Variants in FAM83G observed in about 807,000 individuals in gnomAD.
FAM83G encodes the protein scaffolding CK1 anchoring protein G, also known as protein FAM83G.
Under a neutral mutation model 61.5 loss-of-function variants are expected in FAM83G, and 38 were observed. The observed-to-expected ratio is 0.62, with a 90% CI of 0.48 to 0.81. The LOEUF is 0.81. Ranked by LOEUF, FAM83G falls within the 30% of genes least tolerant of loss-of-function variation. The probability of loss-of-function intolerance (pLI) is 0.00; values close to 1 mark genes in which losing one functional copy is unlikely to be tolerated. For synonymous variants in FAM83G, 470 were observed against 476.1 expected, an observed-to-expected ratio of 0.99 and a Z score of 0.17; for missense variants, 989 against 1,133.6, an observed-to-expected ratio of 0.87 and a Z score of 1.83.
intron 3 of FAM83G, among the ~76,000 whole-genome samples, chr17:18,984,363 T>G (rs1597862341): frequency 7.0e-6 from 1 of 143,114 alleles, no homozygotes. Context: ...AAGAGAACCC[T>G]GCCTTATACC....
chr17:18,978,932 C>T (rs2152010406), intron 4 of FAM83G, 82 bp from the exon 5 acceptor site: 1 of 1,506,906 alleles, frequency 6.6e-7, no homozygotes, highest in Non-Finnish European at 9.0e-7. Flanking sequence ...AGCCGCTGGG[C>T]CTCAGACTGT....
chr17:19,004,125 C>G lies in FAM83G; in HGVS notation c.-84G>C, dbSNP rs989900090. 8 of 1,331,742 alleles carry G rather than the reference C, an allele frequency of 6.0e-6. No homozygotes were observed. In the African/African-American group the frequency reaches 7.4e-5, roughly 12 times the overall value. 82.5% of individuals were successfully genotyped at this position (1,331,742 alleles called of 1,614,324 possible). On this transcript the variant is annotated 5_prime_UTR_variant, in exon 2 of 6. Transcript: ENST00000388995. This position sits in a 1 kb window ranked among gnomAD's most constrained non-coding sequence, Gnocchi z 5.4. ...TCCGGCCCAGCTGGGGCACCGCGCG[C>G]TCGGGGGCCTCTCCGCGGCCTCTGC...
chr17:18,990,157 GC>G (rs963424201), intron 2 of FAM83G, among the ~76,000 whole-genome samples: 2 of 152,188 alleles, frequency 1.3e-5, no homozygotes, highest in African/African-American at 4.8e-5. Flanking sequence ...AGCACTTGCT[GC>G]CCCCAGGGCT....
At chr17:18,976,782 C>T (rs1191419169) in intron 5 of FAM83G, 2 of 1,571,302 alleles carry the variant, frequency 1.3e-6, no homozygotes, top group Admixed American at 1.7e-5. Context: ...TTCCCTGAGG[C>T]CCACCAAGGA....
At chr17:18,972,522 G>A (rs758677269) in intron 5 of FAM83G, among the ~76,000 whole-genome samples, 52 of 152,150 alleles carry the variant, frequency 3.4e-4, no homozygotes, top group Non-Finnish European at 6.6e-4. Context: ...CAAGCAGCAC[G>A]GGCTCCATCA....
chr17:18,972,152 G>A (rs1435873187), intron 5 of FAM83G, among the ~76,000 whole-genome samples: 2 of 152,198 alleles, frequency 1.3e-5, no homozygotes, highest in African/African-American at 4.8e-5. Context: ...CAGATGAGCT[G>A]CTTCCTGTCT....
rs750813249 is a variant in FAM83G at position 19,003,544 on chromosome 17, C to G, written c.498G>C (p.Arg166=). The change falls in exon 2 of 6, where the codon CGG becomes CGC. Residue 166 remains arginine (R), a synonymous_variant. Transcript: ENST00000388995. This position sits in a 1 kb window ranked among gnomAD's most constrained non-coding sequence, Gnocchi z 4.5. ...DGQAHIKEVV[R]KMISQAQKVI... is the part of the protein sequence containing the mutation. ...CCTTCTGTGCCTGGCTGATCATCTT[C>G]CGCACCACCTCTTTGATGTGGGCCT... The G allele has an allele frequency of 1.3e-6, 2 of 1,548,608 alleles. No individual in the cohort carries two copies.
At chr17:18,995,230 T>C (rs2043533955) in intron 2 of FAM83G, among the ~76,000 whole-genome samples, 1 of 152,038 alleles carries the variant, frequency 6.6e-6, no homozygotes, top group South Asian at 2.1e-4. Flanking sequence ...GATAAAGACA[T>C]AAAAACAGTT....
chr17:18,982,083 C>T (rs1230281310), intron 3 of FAM83G, among the ~76,000 whole-genome samples: 1 of 152,228 alleles, frequency 6.6e-6, no homozygotes, highest in Non-Finnish European at 1.5e-5. Flanking sequence ...CTGATGAGGG[C>T]TCGGAAAGTC....
chr17:18,977,571 G>A lies in FAM83G; in HGVS notation c.2082+13C>T, dbSNP rs780520275. The stretch of plus-strand genomic sequence containing the variant: ...GGACTCGTGACCCCTGGTGTGCAGG[G>A]ACCCTGACCCACCTGTGCCTCCTTG... On this transcript the variant is annotated intron_variant, in intron 5 of 5. Transcript: ENST00000388995. 27 of 1,604,182 alleles carry A rather than the reference G, an allele frequency of 1.7e-5. No individual in the cohort carries two copies. The South Asian group carries it at 2.8e-4, about 16-fold the overall frequency.
In FAM83G at chr17:18,979,663, A is replaced by C. The variant is rs901725235; in HGVS notation, c.701T>G (p.Val234Gly). The C allele has an allele frequency of 1.2e-6, 2 of 1,613,338 alleles. No homozygotes were observed. Among genetic ancestry groups the C allele is most frequent in the Non-Finnish European group, 1.7e-6 (2 of 1,179,956 alleles). The change falls in exon 4 of 6, where the codon GTG (valine) becomes GGG (glycine). Residue 234 changes from valine to glycine, a missense_variant. Val to Gly is a moderately radical substitution (Grantham distance 109). Transcript: ENST00000388995. ...GAACTCAGTTCCCCCGCTGCTCCGCACTCTGAGATTCTGTTTTGGGAACCA... is the reference window on the plus strand; with the variant it reads ...GAACTCAGTTCCCCCGCTGCTCCGCCCTCTGAGATTCTGTTTTGGGAACCA... ...MHLGHLKNLR[V>G]RSSGGTEFFT...
intron 3 of FAM83G, among the ~76,000 whole-genome samples, chr17:18,983,768 T>C (rs935754491): frequency 9.2e-5 from 14 of 152,132 alleles, no homozygotes; most frequent in Admixed American, 2.0e-4. Flanking sequence ...GTTGGGGTGG[T>C]GGGCCCTTTG....
chr17:18,993,584 C>T (rs2152134681), intron 2 of FAM83G, among the ~76,000 whole-genome samples: 1 of 152,308 alleles, frequency 6.6e-6, no homozygotes, highest in South Asian at 2.1e-4. Flanking sequence ...AGGACAGATA[C>T]CCTCAAGCCT....
upstream of FAM83G, among the ~76,000 whole-genome samples, chr17:19,005,502 C>G (rs1001615336): frequency 1.3e-5 from 2 of 152,166 alleles, no homozygotes; most frequent in Non-Finnish European, 2.9e-5. Flanking sequence ...CACCCCATCG[C>G]GTGCCGCAGC....
At position 19,004,436 on chromosome 17, in the gene FAM83G, G is replaced by A. The variant is rs1021106058; in HGVS notation, c.-128-267C>T. Among the ~76,000 whole-genome samples, 8 of 152,212 alleles carry A rather than the reference G, an allele frequency of 5.3e-5. No homozygotes were observed. Among genetic ancestry groups the A allele is most frequent in the African/African-American group, 1.7e-4 (7 of 41,468 alleles). ...TCCCAGATTTCCGGAGCTGCCTGAA[G>A]TCCTCGCAACTTCTGAGGGAAACTA... On this transcript the variant is annotated intron_variant, in intron 1 of 5. Transcript: ENST00000388995. The surrounding 1 kb of genome is among the most constrained non-coding windows in gnomAD (Gnocchi z 5.4).
chr17:18,976,918 C>A, intron 5 of FAM83G: 2 of 1,613,444 alleles, frequency 1.2e-6, no homozygotes, highest in Non-Finnish European at 1.7e-6. Flanking sequence ...TCCATCCTGG[C>A]CAGCTACCTC....
chr17:18,977,740 G>A lies in FAM83G; in HGVS notation c.1926C>T (p.Thr642=), dbSNP rs1597847666. ...CACTCAGCTGCCGGCGCGGTGGTGG[G>A]GTTGGCCCGTTGGCCACTTGCTCTG... ...RHSEQVANGP[T]PPPRRQLSAP... The change falls in exon 5 of 6, where the codon ACC becomes ACT. Residue 642 remains threonine (T), a synonymous_variant. Coordinates refer to ENST00000388995, the MANE Select transcript of FAM83G (RefSeq NM_001039999.3). 4.4e-6 allele frequency: 7 copies of A among 1,606,936 alleles called. No homozygotes were observed. In the East Asian group the frequency reaches 1.1e-4, roughly 26 times the overall value.
chr17:18,977,922 C>T lies in FAM83G; in HGVS notation c.1744G>A (p.Glu582Lys), dbSNP rs2043022934. 6.2e-7 allele frequency: 1 copy of T among 1,610,120 alleles called. No homozygotes were observed. Among genetic ancestry groups the T allele is most frequent in the East Asian group, 2.2e-5 (1 of 44,832 alleles). Residue 582 changes from glutamate to lysine, a missense_variant, in exon 5 of 6, where the codon GAA (glutamate) becomes AAA (lysine). By Grantham distance (56) the Glu-to-Lys change is moderately conservative. Coordinates refer to ENST00000388995, the MANE Select transcript of FAM83G (RefSeq NM_001039999.3). Reference sequence around the variant, plus strand: ...AGGGTTACGTAGTCGTCATCATCTTCTTCTTCCACCCCATCCAGCCCATTG... The same window carrying T: ...AGGGTTACGTAGTCGTCATCATCTTTTTCTTCCACCCCATCCAGCCCATTG... ...LPNGLDGVEE[E>K]DDDDYVTLSD... is the part of the protein sequence containing the mutation.
chr17:18,978,563 T>G lies in FAM83G; in HGVS notation c.1103A>C (p.Gln368Pro), dbSNP rs755377653. 5 of 1,613,322 alleles carry G rather than the reference T, an allele frequency of 3.1e-6. No homozygotes were observed. The South Asian group carries it at 4.4e-5, about 14-fold the overall frequency. ...CAGCCCCAGGGGCTTCTTGGCCTCC[T>G]GCTTCTCAGAGGAGATCTTGGCAAT... ...DEIAKISSEKQEAKKPLGLKG... is the reference protein window; with the variant it reads ...DEIAKISSEKPEAKKPLGLKG... Residue 368 changes from glutamine (Q) to proline (P), a missense_variant, in exon 5 of 6, where the codon CAG becomes CCG. This residue lies in a region of FAM83G where 574 missense variants were observed against 645.1 expected (regional missense o/e 0.89). Coordinates refer to ENST00000388995, the MANE Select transcript of FAM83G (RefSeq NM_001039999.3).
Sources: allele counts gnomAD v4.1 joint callset (sites outside exome capture counted in the v4.1 genomes callset), GRCh38; gene constraint gnomAD v4.1.1; regional missense constraint gnomAD v4.1.1; non-coding constraint Gnocchi (gnomAD v3.1); transcripts MANE v1.5; gene names NCBI Gene and HGNC (gene_info 2026-07-23, HGNC 2026-07-21).